The following CDC42BPA variants were observed in gnomAD, a reference collection of about 807,000 sequenced individuals.
CDC42BPA encodes CDC42 binding protein kinase alpha, also known as serine/threonine-protein kinase MRCK alpha.
Under a neutral mutation model 223.5 loss-of-function variants are expected in CDC42BPA, and 80 were observed. The ratio of observed to expected loss-of-function variants is 0.36; its 90% CI spans 0.30 to 0.43. The LOEUF (loss-of-function observed/expected upper bound fraction) is 0.43. Ranked by LOEUF, CDC42BPA falls within the 20% of genes least tolerant of loss-of-function variation. CDC42BPA has a pLI of 1.00. For synonymous variants in CDC42BPA, 694 were observed against 718.6 expected, an observed-to-expected ratio of 0.97 and a Z score of 0.55; for missense variants, 1,743 against 2,099.9, an observed-to-expected ratio of 0.83 and a Z score of 3.32.
intron 2 of CDC42BPA, among the ~76,000 whole-genome samples, chr1:227,229,323 T>C (rs1677410131): frequency 6.6e-6 from 1 of 152,208 alleles, no homozygotes; most frequent in Admixed American, 6.5e-5. Flanking sequence ...AGTCCATAAA[T>C]GTAAAAATTT....
chr1:227,227,224 AC>A (rs906427195), intron 2 of CDC42BPA, among the ~76,000 whole-genome samples: 2 of 152,174 alleles, frequency 1.3e-5, no homozygotes, highest in African/African-American at 4.8e-5. Context: ...AAAGAAAAAA[AC>A]ATAGTAGAAA....
At chr1:227,222,875 C>A (rs537614322) in intron 2 of CDC42BPA, among the ~76,000 whole-genome samples, 1 of 152,300 alleles carries the variant, frequency 6.6e-6, no homozygotes, top group East Asian at 1.9e-4. Flanking sequence ...TTTCAGCAAA[C>A]TTTCAGAGAG....
At chr1:227,120,043 G>A in intron 11 of CDC42BPA, 106 bp from the exon 12 acceptor site, 3 of 775,978 alleles carry the variant, frequency 3.9e-6, no homozygotes, top group Non-Finnish European at 6.0e-6. Flanking sequence ...TTTCAATTTA[G>A]TGTTAGATCT....
intron 14 of CDC42BPA, among the ~76,000 whole-genome samples, chr1:227,107,892 A>C (rs1331223165): frequency 6.6e-6 from 1 of 152,074 alleles, no homozygotes; most frequent in African/African-American, 2.4e-5. Flanking sequence ...TGTTCCTCTT[A>C]TAATTCTTTT....
intron 2 of CDC42BPA, among the ~76,000 whole-genome samples, chr1:227,231,844 T>C (rs896708227): frequency 4.6e-5 from 7 of 152,258 alleles, no homozygotes; most frequent in Non-Finnish European, 7.3e-5. Context: ...TGATTTTTTC[T>C]TGTAAATTTG....
chr1:227,270,996 G>A (rs532771529), intron 1 of CDC42BPA, among the ~76,000 whole-genome samples: 3 of 152,176 alleles, frequency 2.0e-5, no homozygotes, highest in South Asian at 4.2e-4. Context: ...GACTTGGGGT[G>A]TTTACATTTT....
chr1:227,042,047 C>A (rs1191075021), intron 23 of CDC42BPA, among the ~76,000 whole-genome samples: 1 of 152,010 alleles, frequency 6.6e-6, no homozygotes, highest in Non-Finnish European at 1.5e-5. Flanking sequence ...AGTAAATTTT[C>A]TAGTGCTAAC....
At chr1:227,192,842 A>C (rs1173019487) in intron 5 of CDC42BPA, among the ~76,000 whole-genome samples, 1 of 152,152 alleles carries the variant, frequency 6.6e-6, no homozygotes, top group Admixed American at 6.6e-5. Flanking sequence ...ACAATCCTTG[A>C]AAGTATTTTC....
intron 1 of CDC42BPA, among the ~76,000 whole-genome samples, chr1:227,261,539 A>C (rs1226463735): frequency 1.3e-5 from 2 of 151,710 alleles, no homozygotes; most frequent in Non-Finnish European, 2.9e-5. Context: ...TAAAACAAAC[A>C]ACCATGAGAG....
chr1:227,185,540 C>T (rs931547453), intron 5 of CDC42BPA, among the ~76,000 whole-genome samples: 1 of 152,170 alleles, frequency 6.6e-6, no homozygotes, highest in African/African-American at 2.4e-5. Context: ...CCTGGTCAAA[C>T]CAATGCCCTG....
intron 23 of CDC42BPA, among the ~76,000 whole-genome samples, chr1:227,045,638 A>T (rs778698900): frequency 6.6e-6 from 1 of 151,366 alleles, no homozygotes; most frequent in Non-Finnish European, 1.5e-5. Context: ...TTTCTACCTG[A>T]TTTTTTGCAA....
At chr1:227,094,585 C>T (rs1482617192) in intron 15 of CDC42BPA, among the ~76,000 whole-genome samples, 1 of 152,200 alleles carries the variant, frequency 6.6e-6, no homozygotes, top group Non-Finnish European at 1.5e-5. Flanking sequence ...TTGGCTCAAA[C>T]AAACTCTTTA....
chr1:227,162,897 T>C (rs1405434277), intron 5 of CDC42BPA, among the ~76,000 whole-genome samples: 2 of 148,250 alleles, frequency 1.3e-5, no homozygotes, highest in African/African-American at 2.5e-5. Context: ...TTTCCAAACA[T>C]ATATGTGTGT....
intron 5 of CDC42BPA, among the ~76,000 whole-genome samples, chr1:227,166,362 T>C (rs537371721): frequency 6.6e-6 from 1 of 152,300 alleles, no homozygotes; most frequent in South Asian, 2.1e-4. Context: ...TGAGGCAATA[T>C]AATAGATAAT....
intron 5 of CDC42BPA, among the ~76,000 whole-genome samples, chr1:227,189,040 T>G (rs1344615280): frequency 6.6e-6 from 1 of 152,124 alleles, no homozygotes; most frequent in African/African-American, 2.4e-5. Context: ...AGTTTACTGA[T>G]TTAAAAAGTA....
At position 227,017,172 on chromosome 1, in the gene CDC42BPA, A is replaced by T. The variant is rs559904665; in HGVS notation, c.4616-122T>A. 1.2e-5 allele frequency: 10 copies of T among 816,754 alleles called. No individual in the cohort carries two copies. In the East Asian group the frequency reaches 2.7e-4, roughly 22 times the overall value. The allele number at this position is 816,754 out of a possible 1,614,324, so 50.6% of individuals were successfully genotyped here. On this transcript the variant is annotated intron_variant, in intron 32 of 36. Coordinates refer to ENST00000366766, the MANE Select transcript of CDC42BPA (RefSeq NM_001394014.1). ...CAAGTACATGCAATTCTGGTTTTTA[A>T]ATGTTGTGTTGATAACCCAGTAAAT...
At chr1:227,273,265 T>A (rs1487570734) in intron 1 of CDC42BPA, among the ~76,000 whole-genome samples, 1 of 151,628 alleles carries the variant, frequency 6.6e-6, no homozygotes, top group African/African-American at 2.4e-5. Flanking sequence ...ACCACTGCAC[T>A]CCAGCCTGGG....
chr1:227,179,635 C>CAAAAAAAAAAAAA (rs59744442), intron 5 of CDC42BPA, among the ~76,000 whole-genome samples: 3 of 34,238 alleles, frequency 8.8e-5, no homozygotes, highest in African/African-American at 2.3e-4. Flanking sequence ...GCCTCCATCT[C>CAAAAAAAAAAAAA]AAAAAAAAAA....
intron 1 of CDC42BPA, among the ~76,000 whole-genome samples, chr1:227,281,076 C>A (rs1687941234): frequency 6.6e-6 from 1 of 152,200 alleles, no homozygotes; most frequent in Non-Finnish European, 1.5e-5. Flanking sequence ...AAATTCCAAT[C>A]CTTCACTTCC....
Sources: allele counts gnomAD v4.1 joint callset (sites outside exome capture counted in the v4.1 genomes callset), GRCh38; gene constraint gnomAD v4.1.1; transcripts MANE v1.5; gene names NCBI Gene and HGNC (gene_info 2026-07-23, HGNC 2026-07-21).